PAK4: variants seen among roughly 807,000 people sequenced by gnomAD.
The protein encoded by PAK4 is p21 (RAC1) activated kinase 4.
PAK4 carries 49 observed loss-of-function variants against 53.5 expected under a neutral mutation model. That is an observed-to-expected ratio of 0.92 (90% CI 0.73 to 1.16). The LOEUF (loss-of-function observed/expected upper bound fraction) is 1.16, where lower values mean the gene tolerates loss of function less well. Ranked by LOEUF, PAK4 falls within the 50% of genes most tolerant of loss-of-function variation. PAK4 has a pLI of 0.00. For missense variants in PAK4, 824 were observed against 850.7 expected (o/e 0.97, Z 0.39); for synonymous variants, 376 against 375.6 (o/e 1.00, Z -0.01).
In PAK4 at chr19:39,158,564, G is replaced by A. The variant is rs547161081; in HGVS notation, c.-22-10968G>A. ...GTCCATCCCCACCCTGAGTACCTCT[G>A]GGGGGTGAAGGGCACCAGCAGTGCC... On this transcript the variant is annotated intron_variant, in intron 1 of 8. Coordinates refer to ENST00000358301, the Ensembl canonical transcript of PAK4. Among the ~76,000 whole-genome samples the A allele has an allele frequency of 4.6e-5, 7 of 152,334 alleles. No individual in the cohort carries two copies. The East Asian group carries it at 9.7e-4, about 21-fold the overall frequency.
intron 1 of PAK4, among the ~76,000 whole-genome samples, chr19:39,148,518 G>A (rs2074043249): frequency 9.1e-6 from 1 of 109,454 alleles, no homozygotes; most frequent in Non-Finnish European, 1.7e-5. Flanking sequence ...TGCCCAGGCT[G>A]GAGTGGGCTC....
chr19:39,129,621 G>T (rs1169263578), intron 1 of PAK4, among the ~76,000 whole-genome samples: 1 of 147,882 alleles, frequency 6.8e-6, no homozygotes, highest in Non-Finnish European at 1.5e-5. Context: ...AGGTTTATGG[G>T]CCCACCCACC....
chr19:39,146,794 C>T (rs971927400), intron 1 of PAK4, among the ~76,000 whole-genome samples: 1 of 151,392 alleles, frequency 6.6e-6, no homozygotes, highest in African/African-American at 2.4e-5. Flanking sequence ...CTGTTAATGG[C>T]ACCACTGCAC....
chr19:39,131,298 T>C (rs905135942), intron 1 of PAK4, among the ~76,000 whole-genome samples: 1 of 152,152 alleles, frequency 6.6e-6, no homozygotes, highest in Non-Finnish European at 1.5e-5. Flanking sequence ...TGGAGACCTG[T>C]TCCCCCTGGG....
chr19:39,149,486 G>A (rs190135894), intron 1 of PAK4, among the ~76,000 whole-genome samples: 59 of 152,196 alleles, frequency 3.9e-4, no homozygotes, highest in Non-Finnish European at 6.9e-4. Context: ...CCAGCTATTC[G>A]GGGGCAGGAG....
chr19:39,166,171 A>G (rs2074372548), intron 1 of PAK4, among the ~76,000 whole-genome samples: 1 of 152,228 alleles, frequency 6.6e-6, no homozygotes, highest in African/African-American at 2.4e-5. Flanking sequence ...TAAAAACTCC[A>G]GGAAGGCCAG....
chr19:39,126,363 T>G (rs2073577347), intron 1 of PAK4, among the ~76,000 whole-genome samples: 1 of 138,030 alleles, frequency 7.2e-6, no homozygotes, highest in African/African-American at 2.8e-5. Flanking sequence ...GCCTAGAAGG[T>G]ACAAAGGTGA....
chr19:39,146,575 C>A (rs565615592), intron 1 of PAK4, among the ~76,000 whole-genome samples: 152 of 152,302 alleles, frequency 1.0e-3, no homozygotes, highest in African/African-American at 3.4e-3. Context: ...CAGTGGCTCA[C>A]GCCTGTAATT....
intron 1 of PAK4, among the ~76,000 whole-genome samples, chr19:39,143,281 A>G (rs1301614652): frequency 8.6e-6 from 1 of 116,536 alleles, no homozygotes; most frequent in Non-Finnish European, 1.8e-5. Context: ...CTCACTGGGT[A>G]GAAGCATTAA....
intron 1 of PAK4, among the ~76,000 whole-genome samples, chr19:39,126,444 C>CGGGGGGGGGGG (rs4058696): frequency 1.7e-5 from 1 of 59,710 alleles, no homozygotes. Context: ...TTGCGGGGGA[C>CGGGGGGGGGGG]GGGGGGGGGG....
At chr19:39,172,877 C>A (rs1178452676) in intron 2 of PAK4, 41 bp from the exon 4 acceptor site, 4 of 1,479,018 alleles carry the variant, frequency 2.7e-6, no homozygotes, top group Admixed American at 2.1e-5. Flanking sequence ...GTGTGCCCCA[C>A]TCCTTGCTGG....
chr19:39,164,601 G>A (rs574338920), intron 1 of PAK4, among the ~76,000 whole-genome samples: 2 of 152,266 alleles, frequency 1.3e-5, no homozygotes, highest in African/African-American at 4.8e-5. Flanking sequence ...GGTGATGGGC[G>A]CATCCTGTGG....
exon 2 of PAK4, chr19:39,169,654 G>A (rs2074439760): frequency 6.2e-7 from 1 of 1,613,098 alleles, no homozygotes; most frequent in Admixed American, 1.7e-5. Context: ...AAGTTCACGG[G>A]GCTGCCCCGC....
rs115799997 is a variant in PAK4, at chr19:39,177,498, G to T, written c.1486-177G>T. Among the ~76,000 whole-genome samples the T allele has an allele frequency of 5.1e-3, 772 of 152,244 alleles. 6 individuals are homozygous for T. Among genetic ancestry groups the T allele is most frequent in the African/African-American group, 0.017 (711 of 41,540 alleles). ...GCTGGGGGGGCAGCTCTCTTGAGGG[G>T]CTCCCTGGAGGACTAGTGCTCTGTG... On this transcript the variant is annotated intron_variant, in intron 7 of 8. Coordinates refer to ENST00000358301, the Ensembl canonical transcript of PAK4.
intron 1 of PAK4, among the ~76,000 whole-genome samples, chr19:39,152,704 G>A (rs75015435): frequency 1.2e-4 from 19 of 152,274 alleles, no homozygotes; most frequent in South Asian, 4.1e-4. Context: ...ATTACGTTTG[G>A]GGGGGTGGAA....
chr19:39,170,972 G>C lies in PAK4; in HGVS notation c.204+1215G>C, dbSNP rs550617921. Among the ~76,000 whole-genome samples the C allele has an allele frequency of 7.9e-5, 12 of 152,338 alleles. No homozygotes were observed. The South Asian group carries it at 1.0e-3, about 13-fold the overall frequency. ...CCCACCTCAGCTCCACGCCCTGCCT[G>C]GCTCTGTGGCCACTTGCATGTAGGC... On this transcript the variant is annotated intron_variant, in intron 2 of 8. Transcript: ENST00000358301.
In PAK4 at chr19:39,175,012, G is replaced by A. The variant is rs752311143; in HGVS notation, c.1180G>A (p.Val394Ile). The A allele has an allele frequency of 2.5e-6, 4 of 1,613,810 alleles. No individual in the cohort carries two copies. Among genetic ancestry groups the A allele is most frequent in the African/African-American group, 2.7e-5 (2 of 74,898 alleles). Reference sequence around the variant, plus strand: ...CCTGGTGGGGGACGAGCTCTGGGTGGTCATGGAGTTCCTGGAAGGAGGCGC... The same window carrying A: ...CCTGGTGGGGGACGAGCTCTGGGTGATCATGGAGTTCCTGGAAGGAGGCGC... The change falls in exon 5 of 9, where the codon GTC becomes ATC. Residue 394 changes from valine (V) to isoleucine (I), a missense_variant. By Grantham distance (29) the Val-to-Ile change is conservative. Coordinates refer to ENST00000358301, the Ensembl canonical transcript of PAK4. The surrounding 1 kb of genome is among the most constrained non-coding windows in gnomAD (Gnocchi z 4.7).
In PAK4 at chr19:39,175,534, AC is replaced by A; in HGVS notation, c.1359+101del. Reference sequence around the variant, plus strand: ...CCCCTGTGAGGGTAGGTGAGCTCTGACCCCCAGGTCTGTGTCTTGAGGAGCT... The same window carrying A: ...CCCCTGTGAGGGTAGGTGAGCTCTGACCCCAGGTCTGTGTCTTGAGGAGCT... On this transcript the variant is annotated intron_variant, in intron 6 of 8. Coordinates refer to ENST00000358301, the Ensembl canonical transcript of PAK4. The surrounding 1 kb of genome is among the most constrained non-coding windows in gnomAD (Gnocchi z 4.7). The A allele has an allele frequency of 7.6e-7, 1 of 1,319,596 alleles. No individual in the cohort carries two copies. The highest frequency in any genetic ancestry group is 1.0e-6 in the Non-Finnish European group (1 of 956,636). The allele number at this position is 1,319,596 out of a possible 1,614,324, so 81.7% of individuals were successfully genotyped here.
At chr19:39,149,513 G>C (rs1163514371) in intron 1 of PAK4, among the ~76,000 whole-genome samples, 2 of 152,194 alleles carry the variant, frequency 1.3e-5, no homozygotes, top group Non-Finnish European at 2.9e-5. Flanking sequence ...CTGAGCCTAA[G>C]AGGTTGAGTT....
Sources: gnomAD v4.1 joint callset for allele counts (sites outside exome capture counted in the v4.1 genomes callset) on GRCh38, gnomAD v4.1.1 for gene constraint, Gnocchi (gnomAD v3.1) non-coding constraint, MANE v1.5 for transcripts, NCBI Gene and HGNC (gene_info 2026-07-23, HGNC 2026-07-21) for gene names.